MS4A14: variants seen among roughly 807,000 people sequenced by gnomAD.
MS4A14 encodes the protein membrane spanning 4-domains A14.
In MS4A14, 18 loss-of-function variants were observed where a neutral mutation model predicts 16.7. That is an observed-to-expected ratio of 1.08 (90% CI 0.75 to 1.60). The LOEUF is 1.60. Among genes scored for constraint, MS4A14 ranks in the 40% most tolerant of loss-of-function variants. The probability of loss-of-function intolerance (pLI) is 0.00; values close to 1 mark genes in which losing one functional copy is unlikely to be tolerated. For missense variants in MS4A14, 812 were observed against 775.3 expected (o/e 1.05, Z -0.56); for synonymous variants, 305 against 289.4 (o/e 1.05, Z -0.55).
chr11:60,398,462 A>T (rs1410888702), intron 2 of MS4A14, among the ~76,000 whole-genome samples: 2 of 152,184 alleles, frequency 1.3e-5, no homozygotes, highest in African/African-American at 4.8e-5. Context: ...AGCCATAAAT[A>T]TTATTCTTAA....
In MS4A14 at chr11:60,415,505, A is replaced by T. The variant is rs2085924853; in HGVS notation, c.537A>T (p.Gln179His). 6.2e-7 allele frequency: 1 copy of T among 1,613,594 alleles called. No homozygotes were observed. Among genetic ancestry groups the T allele is most frequent in the South Asian group, 1.1e-5 (1 of 91,030 alleles). ...SEQPAPEEND[Q>H]LQFVLQEEFS... ...AACCTGCCCCAGAAGAAAATGATCA[A>T]TTACAATTTGTGCTTCAAGAAGAGT... Residue 179 changes from glutamine to histidine, a missense_variant, in exon 5 of 5, where the codon CAA (glutamine) becomes CAT (histidine). Physicochemically the swap from Gln to His is conservative, Grantham distance 24. Transcript: ENST00000300187.
At chr11:60,403,221 G>A in intron 4 of MS4A14, 160 bp downstream of exon 4, 1 of 731,278 alleles carries the variant, frequency 1.4e-6, no homozygotes, top group South Asian at 1.7e-5. Context: ...CAATGGTTAA[G>A]GAGCGATATT....
chr11:60,402,084 A>G (rs2085721677), intron 3 of MS4A14, among the ~76,000 whole-genome samples: 1 of 152,170 alleles, frequency 6.6e-6, no homozygotes, highest in South Asian at 2.1e-4. Context: ...AAAGAGTGAT[A>G]TCAGTCCTGG....
chr11:60,409,715 C>G (rs2085840287), intron 4 of MS4A14, among the ~76,000 whole-genome samples: 1 of 151,480 alleles, frequency 6.6e-6, no homozygotes, highest in Non-Finnish European at 1.5e-5. Flanking sequence ...GTCTTCATTT[C>G]CTTTGAATAT....
rs138395013 is a variant in MS4A14, at chr11:60,408,429, C to T, written c.468+5368C>T. On this transcript the variant is annotated intron_variant, in intron 4 of 4. Transcript: ENST00000300187. ...CCCCAAAATTTTTCATCATCCCCAA[C>T]ACAAACTCTGTACCACAAAACAATC... 2.4e-3 allele frequency among the ~76,000 whole-genome samples: 361 copies of T among 152,272 alleles called. 3 individuals are homozygous for T. Among genetic ancestry groups the T allele is most frequent in the Admixed American group, 0.022 (337 of 15,304 alleles).
intron 1 of MS4A14, among the ~76,000 whole-genome samples, chr11:60,396,987 G>C (rs536509876): frequency 6.6e-6 from 1 of 152,316 alleles, no homozygotes; most frequent in South Asian, 2.1e-4. Context: ...CATAAGTGGA[G>C]AGGTTTGACT....
chr11:60,416,256 A>G lies in MS4A14; in HGVS notation c.1288A>G (p.Ile430Val). 2 of 1,614,052 alleles carry G rather than the reference A, an allele frequency of 1.2e-6. No individual in the cohort carries two copies. The highest frequency in any genetic ancestry group is 1.7e-6 in the Non-Finnish European group (2 of 1,179,974). ...STSHIVQFPE[I>V]QHLLQQPPDL... ...ATCCCATATTGTGCAGTTCCCTGAA[A>G]TACAACACCTACTTCAGCAGCCCCC... The change falls in exon 5 of 5, where the codon ATA (isoleucine) becomes GTA (valine). Residue 430 changes from isoleucine (I) to valine (V), a missense_variant. Transcript: ENST00000300187.
In MS4A14 at chr11:60,416,777, T is replaced by A. The variant is rs2085953357; in HGVS notation, c.1809T>A (p.Asp603Glu). 14 of 1,613,240 alleles carry A rather than the reference T, an allele frequency of 8.7e-6. No individual in the cohort carries two copies. The highest frequency in any genetic ancestry group is 1.3e-5 in the African/African-American group (1 of 74,868). ...KEQNSKKQTQ[D>E]QQTEDQPAQE... is the part of the protein sequence containing the mutation. ...AAAACTCAAAGAAGCAAACCCAGGATCAGCAAACTGAAGACCAGCCGGCCC... is the reference window on the plus strand; with the variant it reads ...AAAACTCAAAGAAGCAAACCCAGGAACAGCAAACTGAAGACCAGCCGGCCC... Residue 603 changes from aspartate (D) to glutamate (E), a missense_variant, in exon 5 of 5, where the codon GAT becomes GAA. Transcript: ENST00000300187.
At chr11:60,405,938 C>T in intron 4 of MS4A14, 17 of 1,534,456 alleles carry the variant, frequency 1.1e-5, no homozygotes, top group Non-Finnish European at 1.5e-5. Context: ...CTCAGCATCT[C>T]TGTGACTATT....
Position 60,396,487 on chromosome 11 carries a change from G to A in MS4A14, c.-92G>A. 6.9e-7 allele frequency: 1 copy of A among 1,441,716 alleles called. No individual in the cohort carries two copies. The allele number at this position is 1,441,716 out of a possible 1,614,324, so 89.3% of individuals were successfully genotyped here. ...GTCATCACTAAGGGCTCATCTCTGA[G>A]GGCTCCATGTGACTCTGGTGGAGAG... On this transcript the variant is annotated 5_prime_UTR_variant, in exon 1 of 5. Transcript: ENST00000300187.
chr11:60,409,806 CTTTCTTTCTTTCTT>C (rs1393774599), intron 4 of MS4A14, among the ~76,000 whole-genome samples: 3 of 147,850 alleles, frequency 2.0e-5, no homozygotes, highest in Non-Finnish European at 3.0e-5. Context: ...TTCTTTCCTT[CTTTCTTTCTTTCTT>C]TTTCTTTCTT....
intron 4 of MS4A14, among the ~76,000 whole-genome samples, chr11:60,407,681 T>C (rs1016283112): frequency 1.3e-5 from 2 of 152,224 alleles, no homozygotes; most frequent in South Asian, 2.1e-4. Flanking sequence ...TGACTAATGA[T>C]GATGACACTC....
chr11:60,405,725 C>G (rs2085777438), intron 4 of MS4A14, among the ~76,000 whole-genome samples: 1 of 152,176 alleles, frequency 6.6e-6, no homozygotes, highest in African/African-American at 2.4e-5. Context: ...CCTGCCTCAT[C>G]AGAAAGACAC....
At position 60,416,503 on chromosome 11, in the gene MS4A14, C is replaced by A. The variant is rs555925241; in HGVS notation, c.1535C>A (p.Ser512Tyr). 45 of 1,613,836 alleles carry A rather than the reference C, an allele frequency of 2.8e-5. No individual in the cohort carries two copies. In the East Asian group the frequency reaches 6.5e-4, roughly 23 times the overall value. The change falls in exon 5 of 5, where the codon TCC becomes TAC. Residue 512 changes from serine to tyrosine, a missense_variant. Coordinates refer to ENST00000300187, the MANE Select transcript of MS4A14 (RefSeq NM_032597.5). ...GACGTGCAAGCCAAAGGCCAGAAATCCTCAAAGAGGCATTCCTTAGATCAG... is the reference window on the plus strand; with the variant it reads ...GACGTGCAAGCCAAAGGCCAGAAATACTCAAAGAGGCATTCCTTAGATCAG... ...SLDVQAKGQK[S>Y]SKRHSLDQQS...
At chr11:60,398,609 G>A (rs2085664427) in intron 2 of MS4A14, among the ~76,000 whole-genome samples, 1 of 152,174 alleles carries the variant, frequency 6.6e-6, no homozygotes. Flanking sequence ...GTCTGTTTTA[G>A]TTGTTATATT....
Position 60,416,484 on chromosome 11 carries a change from C to T in MS4A14, c.1516C>T (p.Gln506Ter). 1 of 1,613,926 alleles carries T rather than the reference C, an allele frequency of 6.2e-7. No individual in the cohort carries two copies. Among genetic ancestry groups the T allele is most frequent in the Non-Finnish European group, 8.5e-7 (1 of 1,179,932 alleles). The change falls in exon 5 of 5, where the codon CAA becomes TAA. Residue 506 changes from glutamine (Q) to a stop codon, truncating the protein, a stop_gained. Coordinates refer to ENST00000300187, the MANE Select transcript of MS4A14 (RefSeq NM_032597.5). LOFTEE classifies it low-confidence loss of function (END_TRUNC). The stretch of plus-strand genomic sequence containing the variant: ...CTTAAGGAGACATTCTTTAGACGTG[C>T]AAGCCAAAGGCCAGAAATCCTCAAA... ...QYLRRHSLDV[Q>*]AKGQKSSKRH...
intron 3 of MS4A14, among the ~76,000 whole-genome samples, chr11:60,400,976 G>A (rs2085705072): frequency 6.6e-6 from 1 of 152,124 alleles, no homozygotes; most frequent in African/African-American, 2.4e-5. Context: ...CCCAATCCTA[G>A]CCCTATCTCC....
intron 4 of MS4A14, 31 bp downstream of exon 4, chr11:60,403,092 C>G (rs756602225): frequency 1.9e-6 from 3 of 1,598,234 alleles, no homozygotes; most frequent in Non-Finnish European, 2.6e-6. Context: ...TGAAGAATCC[C>G]TAAAATCTTC....
intron 1 of MS4A14, among the ~76,000 whole-genome samples, chr11:60,397,485 C>T (rs1363791335): frequency 6.6e-6 from 1 of 151,980 alleles, no homozygotes; most frequent in Non-Finnish European, 1.5e-5. Flanking sequence ...ACTGGTGAGA[C>T]AGACGAAAAA....
Sources: gnomAD v4.1 joint callset for allele counts (sites outside exome capture counted in the v4.1 genomes callset) on GRCh38, gnomAD v4.1.1 for gene constraint, MANE v1.5 for transcripts, NCBI Gene and HGNC (gene_info 2026-07-23, HGNC 2026-07-21) for gene names.